Variants in NAALADL2 observed in about 807,000 individuals in gnomAD.
NAALADL2 encodes the protein inactive N-acetylated-alpha-linked acidic dipeptidase-like protein 2.
Under a neutral mutation model 87.2 loss-of-function variants are expected in NAALADL2, and 76 were observed. The ratio of observed to expected loss-of-function variants is 0.87; its 90% CI spans 0.72 to 1.05. The LOEUF is 1.05. Ranked by LOEUF, NAALADL2 falls within the 50% of genes least tolerant of loss-of-function variation. The pLI, the probability that NAALADL2 is intolerant of heterozygous loss-of-function variation, is 0.00. For synonymous variants in NAALADL2, 354 were observed against 331.0 expected, an observed-to-expected ratio of 1.07 and a Z score of -0.75; for missense variants, 1,089 against 945.8, an observed-to-expected ratio of 1.15 and a Z score of -1.99.
intron 2 of NAALADL2, among the ~76,000 whole-genome samples, chr3:174,678,064 G>T (rs62284751): frequency 0.01 from 1,549 of 152,170 alleles, 16 homozygotes; most frequent in Middle Eastern, 0.048. Flanking sequence ...AATGGCAAAA[G>T]AGCATCATTT....
intron 1 of NAALADL2, among the ~76,000 whole-genome samples, chr3:175,050,889 T>C (rs1157257138): frequency 1.3e-5 from 2 of 152,178 alleles, no homozygotes; most frequent in East Asian, 1.9e-4. Flanking sequence ...AAATGTCATG[T>C]ATCGATAAGA....
intron 3 of NAALADL2, among the ~76,000 whole-genome samples, chr3:174,808,250 T>TA (rs1560244465): frequency 6.6e-6 from 1 of 152,082 alleles, no homozygotes. Context: ...TTTCACAATA[T>TA]AAAAATTGAA....
At chr3:175,613,229 G>A (rs1032420231) in intron 10 of NAALADL2, among the ~76,000 whole-genome samples, 2 of 152,142 alleles carry the variant, frequency 1.3e-5, no homozygotes, top group African/African-American at 4.8e-5. Context: ...ATGACTTAAC[G>A]TTATGGTACT....
At chr3:174,447,905 C>T (rs966491683) in intron 1 of NAALADL2, among the ~76,000 whole-genome samples, 2 of 152,114 alleles carry the variant, frequency 1.3e-5, no homozygotes, top group African/African-American at 4.8e-5. Flanking sequence ...TTTCTGACCC[C>T]AGGAAAGGAT....
At chr3:175,683,314 A>C (rs1185092914) in intron 11 of NAALADL2, among the ~76,000 whole-genome samples, 1 of 151,978 alleles carries the variant, frequency 6.6e-6, no homozygotes, top group East Asian at 1.9e-4. Flanking sequence ...TTTTGGTCAA[A>C]TTTAGCACAT....
At chr3:175,610,728 T>C (rs1339938457) in intron 10 of NAALADL2, among the ~76,000 whole-genome samples, 3 of 152,124 alleles carry the variant, frequency 2.0e-5, no homozygotes, top group Non-Finnish European at 4.4e-5. Context: ...AACATGTTTA[T>C]CAGTGTATCT....
intron 2 of NAALADL2, among the ~76,000 whole-genome samples, chr3:175,114,483 G>A (rs79618420): frequency 0.076 from 11,496 of 151,570 alleles, 541 homozygotes; most frequent in Non-Finnish European, 0.1. Context: ...ATCTTTTATT[G>A]TCCTAAATAC....
intron 4 of NAALADL2, among the ~76,000 whole-genome samples, chr3:175,312,630 T>A (rs1425914568): frequency 6.6e-6 from 1 of 152,172 alleles, no homozygotes. Flanking sequence ...AGTGAAAAGA[T>A]TACGAGACTT....
At chr3:175,224,993 A>G (rs1476619361) in intron 2 of NAALADL2, among the ~76,000 whole-genome samples, 1 of 152,162 alleles carries the variant, frequency 6.6e-6, no homozygotes, top group Non-Finnish European at 1.5e-5. Flanking sequence ...AGACAAGTTG[A>G]TTTAATTGAG....
chr3:174,755,584 T>C (rs1174768874), intron 3 of NAALADL2, among the ~76,000 whole-genome samples: 2 of 152,336 alleles, frequency 1.3e-5, no homozygotes, highest in African/African-American at 2.4e-5. Context: ...AATACTCCAG[T>C]TCTGCATATT....
intron 1 of NAALADL2, among the ~76,000 whole-genome samples, chr3:175,002,753 C>T (rs1748415542): frequency 6.6e-6 from 1 of 152,102 alleles, no homozygotes; most frequent in Non-Finnish European, 1.5e-5. Context: ...AACATGTCTA[C>T]AATGCTAAAG....
intron 2 of NAALADL2, among the ~76,000 whole-genome samples, chr3:174,694,466 G>A (rs984826882): frequency 6.6e-6 from 1 of 152,056 alleles, no homozygotes; most frequent in African/African-American, 2.4e-5. Context: ...CATGTCTTAG[G>A]TATTTCTTTT....
At chr3:175,477,234 A>AAT (rs1725821252) in intron 9 of NAALADL2, among the ~76,000 whole-genome samples, 1 of 152,146 alleles carries the variant, frequency 6.6e-6, no homozygotes, top group African/African-American at 2.4e-5. Flanking sequence ...TGTATATATA[A>AAT]ATCAATATAT....
chr3:175,593,750 C>G (rs1410341889), intron 10 of NAALADL2, among the ~76,000 whole-genome samples: 1 of 141,948 alleles, frequency 7.0e-6, no homozygotes, highest in Non-Finnish European at 1.5e-5. Flanking sequence ...TCTAAGGATG[C>G]AGTCATATTA....
At chr3:175,149,877 C>A (rs1056997116) in intron 2 of NAALADL2, among the ~76,000 whole-genome samples, 2 of 152,094 alleles carry the variant, frequency 1.3e-5, no homozygotes, top group African/African-American at 4.8e-5. Context: ...GGTATTCAGA[C>A]AAAGACTCTT....
intron 1 of NAALADL2, among the ~76,000 whole-genome samples, chr3:174,968,260 C>T (rs1398809678): frequency 2.0e-5 from 3 of 152,116 alleles, no homozygotes; most frequent in African/African-American, 7.2e-5. Flanking sequence ...ATTGAAACAA[C>T]TAACTTTTAT....
At chr3:175,434,549 T>C (rs1359754597) in intron 5 of NAALADL2, among the ~76,000 whole-genome samples, 1 of 152,090 alleles carries the variant, frequency 6.6e-6, no homozygotes, top group Non-Finnish European at 1.5e-5. Flanking sequence ...AATAAAGTAC[T>C]GAGCTTCTGT....
At chr3:175,476,682 G>C (rs922611108) in intron 9 of NAALADL2, among the ~76,000 whole-genome samples, 9 of 152,048 alleles carry the variant, frequency 5.9e-5, no homozygotes, top group African/African-American at 1.7e-4. Context: ...TTCTTCTTGT[G>C]TGAGGGCGAC....
intron 2 of NAALADL2, among the ~76,000 whole-genome samples, chr3:174,700,386 T>A (rs1729440535): frequency 6.6e-6 from 1 of 152,148 alleles, no homozygotes. Flanking sequence ...ATCTACTCAT[T>A]GTAATCTTAG....
Sources: gnomAD v4.1 joint callset for allele counts (sites outside exome capture counted in the v4.1 genomes callset) on GRCh38, gnomAD v4.1.1 for gene constraint, MANE v1.5 for transcripts, NCBI Gene and HGNC (gene_info 2026-07-23, HGNC 2026-07-21) for gene names.